Variants in GRAMD4 observed in about 807,000 individuals in gnomAD.
GRAMD4 encodes the protein GRAM domain-containing protein 4.
GRAMD4 carries 25 observed loss-of-function variants against 83.9 expected under a neutral mutation model. That is an observed-to-expected ratio of 0.30 (90% CI 0.22 to 0.42). The LOEUF is 0.42. GRAMD4 is among the 10% of genes least tolerant of loss of function. The pLI is 1.00. For missense variants in GRAMD4, 593 were observed against 788.7 expected (o/e 0.75, Z 2.97); for synonymous variants, 336 against 320.9 (o/e 1.05, Z -0.50).
chr22:46,614,668 C>T (rs922809001), intron 1 of GRAMD4, among the ~76,000 whole-genome samples: 1 of 152,030 alleles, frequency 6.6e-6, no homozygotes, highest in Non-Finnish European at 1.5e-5. Context: ...GTTGGCTGTC[C>T]AGAATTTATA....
intron 1 of GRAMD4, among the ~76,000 whole-genome samples, chr22:46,590,379 CA>C (rs948907525): frequency 2.0e-5 from 3 of 152,196 alleles, no homozygotes; most frequent in African/African-American, 7.2e-5. Context: ...TTCCTCCAGC[CA>C]GTCCTTGGCA....
chr22:46,673,988 ACT>A (rs2082554878), intron 15 of GRAMD4, among the ~76,000 whole-genome samples, 174 bp downstream of exon 15: 1 of 152,068 alleles, frequency 6.6e-6, no homozygotes. Flanking sequence ...GGTCATGAGG[ACT>A]CTGCGGGCTA....
chr22:46,640,284 G>A (rs963743976), intron 3 of GRAMD4, among the ~76,000 whole-genome samples: 9 of 152,190 alleles, frequency 5.9e-5, no homozygotes, highest in Admixed American at 5.2e-4. Context: ...TGCAGGGCAA[G>A]GATCTGTGAG....
intron 1 of GRAMD4, among the ~76,000 whole-genome samples, chr22:46,624,704 G>T (rs1465056116): frequency 2.0e-5 from 3 of 152,042 alleles, no homozygotes; most frequent in Admixed American, 1.3e-4. Context: ...GCTCCTATAT[G>T]GGAAGCTTTT....
intron 6 of GRAMD4, 44 bp from the exon 7 acceptor site, chr22:46,663,794 G>A (rs200805800): frequency 3.3e-5 from 53 of 1,605,844 alleles, no homozygotes; most frequent in East Asian, 1.8e-4. Context: ...CAGAGCCGGC[G>A]GGTGCATTAA....
intron 8 of GRAMD4, among the ~76,000 whole-genome samples, chr22:46,665,098 G>A (rs1310842187): frequency 6.6e-6 from 1 of 152,238 alleles, no homozygotes; most frequent in Non-Finnish European, 1.5e-5. Context: ...CCTGTGCCAT[G>A]TCTGTTGTCA....
At chr22:46,663,950 A>G in intron 7 of GRAMD4, 76 bp from the exon 8 acceptor site, 1 of 1,573,224 alleles carries the variant, frequency 6.4e-7, no homozygotes, top group South Asian at 1.1e-5. Context: ...TCTGAGCTGA[A>G]CCGACTCTCC....
intron 1 of GRAMD4, among the ~76,000 whole-genome samples, chr22:46,584,636 T>A (rs2081130353): frequency 6.6e-6 from 1 of 152,110 alleles, no homozygotes; most frequent in Non-Finnish European, 1.5e-5. Context: ...ATCCCTTGGC[T>A]TCGAGCCCGG....
intron 1 of GRAMD4, among the ~76,000 whole-genome samples, chr22:46,587,421 G>A (rs548903471): frequency 5.9e-5 from 9 of 152,208 alleles, no homozygotes; most frequent in African/African-American, 2.2e-4. Context: ...TGGGCCATCA[G>A]CTCTGGGAGG....
At chr22:46,584,608 C>T (rs2081129956) in intron 1 of GRAMD4, among the ~76,000 whole-genome samples, 1 of 152,124 alleles carries the variant, frequency 6.6e-6, no homozygotes, top group African/African-American at 2.4e-5. Flanking sequence ...AGTGGGACCC[C>T]CCGGGAAGCA....
intron 15 of GRAMD4, 37 bp downstream of exon 15, chr22:46,673,851 CG>C (rs759295830): frequency 5.0e-6 from 8 of 1,608,982 alleles, no homozygotes; most frequent in Non-Finnish European, 6.8e-6. Context: ...GGCCGAGCGC[CG>C]ACACAGACTG....
chr22:46,631,259 C>T (rs1400861825), intron 2 of GRAMD4, among the ~76,000 whole-genome samples: 1 of 152,248 alleles, frequency 6.6e-6, no homozygotes, highest in African/African-American at 2.4e-5. Flanking sequence ...CCTCCACCTC[C>T]ACCTCCACCT....
intron 1 of GRAMD4, among the ~76,000 whole-genome samples, chr22:46,593,269 T>G (rs1425906717): frequency 6.6e-6 from 1 of 152,118 alleles, no homozygotes; most frequent in Non-Finnish European, 1.5e-5. Flanking sequence ...CCTGCCTGGT[T>G]CCTTTTCCCC....
intron 1 of GRAMD4, among the ~76,000 whole-genome samples, chr22:46,608,665 G>A (rs1470969969): frequency 6.6e-6 from 1 of 152,126 alleles, no homozygotes; most frequent in Non-Finnish European, 1.5e-5. Flanking sequence ...GGCGACAAGA[G>A]CGAAATTCCG....
At position 46,626,631 on chromosome 22, in the gene GRAMD4, C is replaced by CG. The variant is rs1246477627; in HGVS notation, c.-49-116dup. On this transcript the variant is annotated intron_variant, in intron 1 of 18. Coordinates refer to ENST00000406902, the MANE Select transcript of GRAMD4 (RefSeq NM_015124.5). The stretch of plus-strand genomic sequence containing the variant: ...GTGTGTGGGAGGGACGGTGGCAGGG[C>CG]GGGGTCTCTGGGTCGGGGTTTTCTT... 1.1e-5 allele frequency: 6 copies of CG among 560,330 alleles called. No individual in the cohort carries two copies. In the African/African-American group the frequency reaches 1.7e-4, roughly 15 times the overall value. 34.7% of individuals were successfully genotyped at this position (560,330 alleles called of 1,614,324 possible). A position where few individuals can be genotyped will look rare whatever the true frequency, so the allele number is the denominator to read the frequency against.
In GRAMD4 at chr22:46,647,928, T is replaced by C. The variant is rs116847621; in HGVS notation, c.283+9968T>C. Among the ~76,000 whole-genome samples the C allele has an allele frequency of 5.8e-3, 879 of 152,378 alleles. 25 individuals are homozygous for C. Among genetic ancestry groups the C allele is most frequent in the Admixed American group, 0.045 (696 of 15,306 alleles). ...TGTCCCAGCTCTGTAAGGAGACCCTTATTTGTCATATTCATCTACCAACTG... is the reference window on the plus strand; with the variant it reads ...TGTCCCAGCTCTGTAAGGAGACCCTCATTTGTCATATTCATCTACCAACTG... On this transcript the variant is annotated intron_variant, in intron 3 of 18. Transcript: ENST00000406902.
chr22:46,603,080 G>A (rs900918019), intron 1 of GRAMD4, among the ~76,000 whole-genome samples: 1 of 151,924 alleles, frequency 6.6e-6, no homozygotes, highest in Non-Finnish European at 1.5e-5. Context: ...GCCATGGCAG[G>A]CAAATGAATC....
intron 1 of GRAMD4, among the ~76,000 whole-genome samples, chr22:46,578,304 G>A (rs544014876): frequency 6.6e-6 from 1 of 152,248 alleles, no homozygotes; most frequent in African/African-American, 2.4e-5. Context: ...GCCTGGGAGG[G>A]AGGTCAGGGT....
upstream of GRAMD4, among the ~76,000 whole-genome samples, chr22:46,615,498 C>T (rs1346603424): frequency 1.3e-4 from 10 of 75,814 alleles, no homozygotes; most frequent in African/African-American, 2.6e-4. Context: ...CCCGTGTGTG[C>T]GGGTTCCCCT....
Sources: allele counts gnomAD v4.1 joint callset (sites outside exome capture counted in the v4.1 genomes callset), GRCh38; gene constraint gnomAD v4.1.1; transcripts MANE v1.5; gene names NCBI Gene and HGNC (gene_info 2026-07-23, HGNC 2026-07-21).